Variants in CADPS observed in about 807,000 individuals in gnomAD.
CADPS encodes calcium dependent secretion activator, also known as calcium-dependent secretion activator 1.
Under a neutral mutation model 167.3 loss-of-function variants are expected in CADPS, and 57 were observed. That is an observed-to-expected ratio of 0.34 (90% CI 0.28 to 0.42). The LOEUF is 0.42. Ranked by LOEUF, CADPS falls within the 20% of genes least tolerant of loss-of-function variation. The pLI, the probability that CADPS is intolerant of heterozygous loss-of-function variation, is 1.00. For missense variants in CADPS, 1,414 were observed against 1,738.1 expected (o/e 0.81, Z 3.32); for synonymous variants, 676 against 635.3 (o/e 1.06, Z -0.96).
rs137884155 is a variant in CADPS at position 62,853,439 on chromosome 3, A to C, written c.441+21150T>G. ...CAAGAGTTCAAGACAAGCCTGGCCAACATGGTGAAACCCCTCTCTACTAAA... is the reference window on the plus strand; with the variant it reads ...CAAGAGTTCAAGACAAGCCTGGCCACCATGGTGAAACCCCTCTCTACTAAA... On this transcript the variant is annotated intron_variant, in intron 1 of 29. Coordinates refer to ENST00000383710, the MANE Select transcript of CADPS (RefSeq NM_003716.4). Among the ~76,000 whole-genome samples, 661 of 151,808 alleles carry C rather than the reference A, an allele frequency of 4.4e-3. 6 individuals are homozygous for C. The highest frequency in any genetic ancestry group is 0.015 in the African/African-American group (620 of 41,408).
At chr3:62,542,961 T>C (rs2075938924) in intron 11 of CADPS, among the ~76,000 whole-genome samples, 3 of 152,168 alleles carry the variant, frequency 2.0e-5, no homozygotes, top group Admixed American at 2.0e-4. Context: ...AAAATAAATT[T>C]TCTATACCTG....
At chr3:62,503,866 C>T (rs1487671157) in intron 17 of CADPS, among the ~76,000 whole-genome samples, 1 of 152,158 alleles carries the variant, frequency 6.6e-6, no homozygotes, top group Non-Finnish European at 1.5e-5. Flanking sequence ...AATTCTCTCT[C>T]TTTAATGAGT....
Position 62,842,408 on chromosome 3 carries a change from TG to T in CADPS, c.441+32180del, listed in dbSNP as rs2076771904. ...ATCTGTACCCCTAACCATTATGGAG[TG>T]AGGATTTTCTTCAGTAATCTGTCCA... On this transcript the variant is annotated intron_variant, in intron 1 of 29. Transcript: ENST00000383710. Among the ~76,000 whole-genome samples, 9 of 152,256 alleles carry T rather than the reference TG, an allele frequency of 5.9e-5. No homozygotes were observed. The South Asian group carries it at 1.9e-3, about 32-fold the overall frequency.
At position 62,536,717 on chromosome 3, in the gene CADPS, C is replaced by G. The variant is rs949187698; in HGVS notation, c.1967-136G>C. On this transcript the variant is annotated intron_variant, in intron 11 of 29. Coordinates refer to ENST00000383710, the MANE Select transcript of CADPS (RefSeq NM_003716.4). ...CCCCGTTGCCTCCCACCAACATCCCCAAGATATTCTTTTTACCTCCCATTG... is the reference window on the plus strand; with the variant it reads ...CCCCGTTGCCTCCCACCAACATCCCGAAGATATTCTTTTTACCTCCCATTG... The G allele has an allele frequency of 5.2e-5, 42 of 800,506 alleles. No individual in the cohort carries two copies. The African/African-American group carries it at 7.0e-4, about 13-fold the overall frequency. The allele number at this position is 800,506 out of a possible 1,614,324, so 49.6% of individuals were successfully genotyped here.
chr3:62,845,074 C>G (rs188440649), intron 1 of CADPS, among the ~76,000 whole-genome samples: 97 of 152,290 alleles, frequency 6.4e-4, no homozygotes, highest in African/African-American at 2.3e-3. Flanking sequence ...CCACTGGACA[C>G]AGGATGCTAT....
At chr3:62,564,498 A>T (rs1217495868) in intron 9 of CADPS, among the ~76,000 whole-genome samples, 1 of 152,198 alleles carries the variant, frequency 6.6e-6, no homozygotes, top group African/African-American at 2.4e-5. Context: ...GATTGTCCAC[A>T]TTATTAGAGG....
rs2083143126 is a variant in CADPS at position 62,753,368 on chromosome 3, A to C, written c.888+73T>G. On this transcript the variant is annotated intron_variant, in intron 3 of 29. Coordinates refer to ENST00000383710, the MANE Select transcript of CADPS (RefSeq NM_003716.4). This position sits in a 1 kb window ranked among gnomAD's most constrained non-coding sequence, Gnocchi z 4.6. The stretch of plus-strand genomic sequence containing the variant: ...TTTAATCCTTTTTTTAAAAAAATCA[A>C]GAAGTATCTCATAGAAGTTGGAATG... The C allele has an allele frequency of 8.9e-7, 1 of 1,122,402 alleles. No homozygotes were observed. Among genetic ancestry groups the C allele is most frequent in the South Asian group, 1.5e-5 (1 of 66,924 alleles). 69.5% of individuals were successfully genotyped at this position (1,122,402 alleles called of 1,614,324 possible). A position where few individuals can be genotyped will look rare whatever the true frequency, so the allele number is the denominator to read the frequency against.
intron 26 of CADPS, among the ~76,000 whole-genome samples, chr3:62,450,418 G>C (rs1291504584): frequency 6.6e-6 from 1 of 152,222 alleles, no homozygotes; most frequent in Admixed American, 6.5e-5. Context: ...AGACAAAGGG[G>C]AGGGGGTAGG....
chr3:62,778,653 C>T (rs959173356), intron 1 of CADPS, among the ~76,000 whole-genome samples: 5 of 152,134 alleles, frequency 3.3e-5, no homozygotes, highest in Non-Finnish European at 5.9e-5. Context: ...GCCTATACAC[C>T]CACCACAGAC....
intron 9 of CADPS, among the ~76,000 whole-genome samples, chr3:62,570,595 C>T (rs1385505799): frequency 6.6e-6 from 1 of 152,124 alleles, no homozygotes; most frequent in Non-Finnish European, 1.5e-5. Flanking sequence ...ATCTCACATA[C>T]TACTGTATTG....
intron 17 of CADPS, among the ~76,000 whole-genome samples, chr3:62,504,091 C>A (rs1036298314): frequency 6.6e-6 from 1 of 152,002 alleles, no homozygotes; most frequent in Non-Finnish European, 1.5e-5. Context: ...AATATTCTGG[C>A]AAAAATCATC....
chr3:62,826,593 T>G lies in CADPS; in HGVS notation c.441+47996A>C, dbSNP rs145364905. ...CTTGTAACCTTGCTATTTCATATCT[T>G]TAAATATCATCCTTGATGGGTCTTC... is the stretch of plus-strand genomic sequence containing the variant. On this transcript the variant is annotated intron_variant, in intron 1 of 29. Coordinates refer to ENST00000383710, the MANE Select transcript of CADPS (RefSeq NM_003716.4). 1.4e-4 allele frequency among the ~76,000 whole-genome samples: 22 copies of G among 152,286 alleles called. No homozygotes were observed. The East Asian group carries it at 4.1e-3, about 28-fold the overall frequency.
intron 14 of CADPS, 22 bp downstream of exon 14, chr3:62,518,127 C>A (rs574012012): frequency 6.5e-6 from 10 of 1,548,644 alleles, no homozygotes; most frequent in Non-Finnish European, 8.9e-6. Context: ...CTAATTAAAG[C>A]TCTCCAGCCC....
At chr3:62,809,379 T>C (rs574995020) in intron 1 of CADPS, among the ~76,000 whole-genome samples, 64 of 152,336 alleles carry the variant, frequency 4.2e-4, no homozygotes, top group Admixed American at 9.8e-4. Context: ...CCTCTTTTAC[T>C]GGATGCCAGT....
At chr3:62,763,943 T>A (rs1290538939) in intron 2 of CADPS, among the ~76,000 whole-genome samples, 1 of 152,208 alleles carries the variant, frequency 6.6e-6, no homozygotes, top group Admixed American at 6.5e-5. Flanking sequence ...AACATTGGGA[T>A]CACTGTAGAT....
intron 1 of CADPS, among the ~76,000 whole-genome samples, chr3:62,817,263 C>CA (rs1267154027): frequency 6.6e-6 from 1 of 152,122 alleles, no homozygotes; most frequent in East Asian, 1.9e-4. Context: ...CTTGAAAGGT[C>CA]AGATACACAG....
chr3:62,592,443 G>A (rs1027297667), intron 7 of CADPS, among the ~76,000 whole-genome samples, 194 bp downstream of exon 7: 3 of 152,168 alleles, frequency 2.0e-5, no homozygotes, highest in African/African-American at 7.2e-5. Flanking sequence ...CTTTGTAGAA[G>A]AGAATCTGAG....
At chr3:62,531,362 G>A (rs1182882131) in intron 13 of CADPS, among the ~76,000 whole-genome samples, 3 of 152,100 alleles carry the variant, frequency 2.0e-5, no homozygotes, top group African/African-American at 7.2e-5. Flanking sequence ...TATCTTTTAT[G>A]CAAATAAAAG....
At chr3:62,488,184 A>G (rs1436885527) in intron 21 of CADPS, among the ~76,000 whole-genome samples, 1 of 152,242 alleles carries the variant, frequency 6.6e-6, no homozygotes, top group Non-Finnish European at 1.5e-5. Context: ...AAGTATGCCA[A>G]AAAGATCATT....
Sources: allele counts gnomAD v4.1 joint callset (sites outside exome capture counted in the v4.1 genomes callset), GRCh38; gene constraint gnomAD v4.1.1; non-coding constraint Gnocchi (gnomAD v3.1); transcripts MANE v1.5; gene names NCBI Gene and HGNC (gene_info 2026-07-23, HGNC 2026-07-21).